The following ROCK2 variants were observed in gnomAD, a reference collection of about 807,000 sequenced individuals.
The protein encoded by ROCK2 is rho-associated protein kinase 2.
Under a neutral mutation model 195.1 loss-of-function variants are expected in ROCK2, and 61 were observed. That is an observed-to-expected ratio of 0.31 (90% CI 0.25 to 0.39). The LOEUF is 0.39. Among genes scored for constraint, ROCK2 ranks in the 10% least tolerant of loss-of-function variants. The pLI, the probability that ROCK2 is intolerant of heterozygous loss-of-function variation, is 1.00. For synonymous variants in ROCK2, 504 were observed against 545.5 expected (o/e 0.92, Z 1.06); for missense variants, 1,109 against 1,637.4 (o/e 0.68, Z 5.57).
At chr2:11,211,600 AAT>A in intron 18 of ROCK2, 79 bp downstream of exon 18, 1 of 1,326,972 alleles carries the variant, frequency 7.5e-7, no homozygotes, top group Non-Finnish European at 1.0e-6. Flanking sequence ...TATAAAAAAA[AAT>A]GTTTCAAAAC....
Position 11,258,455 on chromosome 2 carries a change from A to G in ROCK2, c.325-8657T>C, listed in dbSNP as rs148112947. Reference sequence around the variant, plus strand: ...TGCTCTTAGTTAATTCTTTTTTAAAATGTTCCCCATATTATTCGTGAATCC... The same window carrying G: ...TGCTCTTAGTTAATTCTTTTTTAAAGTGTTCCCCATATTATTCGTGAATCC... On this transcript the variant is annotated intron_variant, in intron 3 of 32. Coordinates refer to ENST00000315872, the MANE Select transcript of ROCK2 (RefSeq NM_004850.5). Among the ~76,000 whole-genome samples, 5 of 151,580 alleles carry G rather than the reference A, an allele frequency of 3.3e-5. No individual in the cohort carries two copies. The East Asian group carries it at 7.7e-4, about 23-fold the overall frequency.
chr2:11,221,903 C>T (rs1332490016), intron 8 of ROCK2, among the ~76,000 whole-genome samples, 180 bp downstream of exon 8: 3 of 152,126 alleles, frequency 2.0e-5, no homozygotes, highest in Middle Eastern at 6.8e-3. Context: ...TAATAGTTTG[C>T]AAAGATATTG....
At chr2:11,310,201 T>C (rs901866896) in intron 1 of ROCK2, among the ~76,000 whole-genome samples, 2 of 152,164 alleles carry the variant, frequency 1.3e-5, no homozygotes, top group South Asian at 2.1e-4. Context: ...ATCCTAAAGT[T>C]TGGTGAGTTT....
intron 32 of ROCK2, chr2:11,184,659 G>T (rs1663124937): frequency 2.0e-6 from 2 of 984,796 alleles, no homozygotes; most frequent in Admixed American, 1.2e-4. Context: ...TTCATTTTTT[G>T]ATTTACCCCA....
At chr2:11,248,270 C>T (rs1259007165) in intron 4 of ROCK2, among the ~76,000 whole-genome samples, 7 of 151,872 alleles carry the variant, frequency 4.6e-5, no homozygotes, top group Non-Finnish European at 8.8e-5. Context: ...AGGTATCAAA[C>T]TCCCAGATCA....
At chr2:11,342,541 T>G (rs1669139328) in intron 1 of ROCK2, among the ~76,000 whole-genome samples, 2 of 152,172 alleles carry the variant, frequency 1.3e-5, no homozygotes, top group African/African-American at 2.4e-5. Context: ...GATGAATACT[T>G]GAGATTTGCT....
chr2:11,295,989 AG>A (rs374434504), intron 1 of ROCK2, among the ~76,000 whole-genome samples: 1,334 of 23,198 alleles, frequency 0.058, 57 homozygotes, highest in Middle Eastern at 0.14. Flanking sequence ...AGAGAGAGAG[AG>A]GAGAGAGAGA....
At chr2:11,207,447 C>A (rs546615886) in intron 20 of ROCK2, among the ~76,000 whole-genome samples, 66 of 152,280 alleles carry the variant, frequency 4.3e-4, no homozygotes, top group African/African-American at 1.5e-3. Flanking sequence ...GAGGAGGAAT[C>A]TAAAAGCATG....
At chr2:11,326,237 A>G (rs1040207629) in intron 1 of ROCK2, among the ~76,000 whole-genome samples, 2 of 65,432 alleles carry the variant, frequency 3.1e-5, no homozygotes, top group Non-Finnish European at 8.8e-5. Flanking sequence ...TTTAAAAAAA[A>G]AAAAGTAAGG....
Position 11,197,827 on chromosome 2 carries a change from G to A in ROCK2, c.3100-122C>T. On this transcript the variant is annotated intron_variant, in intron 25 of 32. Coordinates refer to ENST00000315872, the MANE Select transcript of ROCK2 (RefSeq NM_004850.5). The surrounding 1 kb of genome is among the most constrained non-coding windows in gnomAD (Gnocchi z 4.9). Reference sequence around the variant, plus strand: ...AAATACTCTCCTTCCCTACATACAGGGCTACAAAGAAACACTTTCTATAAT... The same window carrying A: ...AAATACTCTCCTTCCCTACATACAGAGCTACAAAGAAACACTTTCTATAAT... The A allele has an allele frequency of 1.9e-6, 1 of 521,456 alleles. No individual in the cohort carries two copies. Among genetic ancestry groups the A allele is most frequent in the Admixed American group, 4.0e-5 (1 of 24,960 alleles). The allele number at this position is 521,456 out of a possible 1,614,324, so 32.3% of individuals were successfully genotyped here. A position where few individuals can be genotyped will look rare whatever the true frequency, so the allele number is the denominator to read the frequency against.
chr2:11,304,749 T>A (rs1667802331), intron 1 of ROCK2, among the ~76,000 whole-genome samples: 1 of 152,194 alleles, frequency 6.6e-6, no homozygotes, highest in African/African-American at 2.4e-5. Context: ...TCTCACTCAC[T>A]GTGCTTCTGC....
At chr2:11,208,589 TTTTTTTCTTTTC>T (rs1664138790) in intron 18 of ROCK2, 142 bp from the exon 19 acceptor site, 3 of 440,628 alleles carry the variant, frequency 6.8e-6, no homozygotes, top group Non-Finnish European at 1.1e-5. Flanking sequence ...ATTAATTTTC[TTTTTTTCTTTTC>T]TTTTTTTTTT....
intron 4 of ROCK2, among the ~76,000 whole-genome samples, chr2:11,236,196 T>G (rs1005903263): frequency 6.6e-6 from 1 of 152,000 alleles, no homozygotes; most frequent in Non-Finnish European, 1.5e-5. Flanking sequence ...TTTCCCCTCA[T>G]GGAGAACACA....
chr2:11,283,587 C>CAAGA lies in ROCK2; in HGVS notation c.324+2948_324+2951dup, dbSNP rs55637351. Among the ~76,000 whole-genome samples, 22 of 126,510 alleles carry CAAGA rather than the reference C, an allele frequency of 1.7e-4. 1 individual carries two copies. Among genetic ancestry groups the CAAGA allele is most frequent in the South Asian group, 1.0e-3 (4 of 3,912 alleles). 83.0% of individuals were successfully genotyped at this position (126,510 alleles called of 152,430 possible). On this transcript the variant is annotated intron_variant, in intron 3 of 32. Coordinates refer to ENST00000315872, the MANE Select transcript of ROCK2 (RefSeq NM_004850.5). ...CGTCTCAAAAAAAAAAAAAAAAAAG[C>CAAGA]AAGAAAGAAAAGAAAAAAAGGAAAA...
In ROCK2 at chr2:11,197,005, A is replaced by G. The variant is rs1324488589; in HGVS notation, c.3448+175T>C. 6.6e-6 allele frequency among the ~76,000 whole-genome samples: 1 copy of G among 152,252 alleles called. No homozygotes were observed. Among genetic ancestry groups the G allele is most frequent in the Non-Finnish European group, 1.5e-5 (1 of 68,040 alleles). ...GTATGTTTATGAAAAACTTTGTAAA[A>G]AAAATCAATAAATAAAATAAGTTTG... On this transcript the variant is annotated intron_variant, in intron 27 of 32. Transcript: ENST00000315872. This position sits in a 1 kb window ranked among gnomAD's most constrained non-coding sequence, Gnocchi z 4.9.
chr2:11,282,357 T>C (rs1229959631), intron 3 of ROCK2, among the ~76,000 whole-genome samples: 2 of 151,600 alleles, frequency 1.3e-5, no homozygotes, highest in Non-Finnish European at 1.5e-5. Flanking sequence ...TCTCAAAAAA[T>C]AATAATTAAA....
At chr2:11,227,899 T>C (rs1449727114) in intron 5 of ROCK2, among the ~76,000 whole-genome samples, 3 of 152,104 alleles carry the variant, frequency 2.0e-5, no homozygotes, top group African/African-American at 7.2e-5. Flanking sequence ...AAGAAATAGA[T>C]CAAATGTTTA....
intron 1 of ROCK2, among the ~76,000 whole-genome samples, chr2:11,319,077 G>C (rs979615810): frequency 6.6e-6 from 1 of 152,146 alleles, no homozygotes; most frequent in African/African-American, 2.4e-5. Context: ...GGATTGACTT[G>C]GCAATGTGGG....
At chr2:11,269,935 G>T (rs1002346409) in intron 3 of ROCK2, among the ~76,000 whole-genome samples, 1 of 152,014 alleles carries the variant, frequency 6.6e-6, no homozygotes, top group East Asian at 1.9e-4. Context: ...TAATTTTCTC[G>T]TAGAGATGGG....
Sources: gnomAD v4.1 joint callset for allele counts (sites outside exome capture counted in the v4.1 genomes callset) on GRCh38, gnomAD v4.1.1 for gene constraint, Gnocchi (gnomAD v3.1) non-coding constraint, MANE v1.5 for transcripts, NCBI Gene and HGNC (gene_info 2026-07-23, HGNC 2026-07-21) for gene names.